FAM107B: variants seen among roughly 807,000 people sequenced by gnomAD.
FAM107B encodes family with sequence similarity 107 member B.
Under a neutral mutation model 31.5 loss-of-function variants are expected in FAM107B, and 21 were observed. That is an observed-to-expected ratio of 0.67 (90% CI 0.47 to 0.96). FAM107B has a LOEUF of 0.96. Ranked by LOEUF, FAM107B falls within the 40% of genes least tolerant of loss-of-function variation. FAM107B has a pLI of 0.00. For missense variants in FAM107B, 452 were observed against 377.1 expected, an observed-to-expected ratio of 1.20 and a Z score of -1.64; for synonymous variants, 157 against 141.5, an observed-to-expected ratio of 1.11 and a Z score of -0.78.
At chr10:14,756,854 T>C (rs1266126927) in intron 1 of FAM107B, among the ~76,000 whole-genome samples, 1 of 152,194 alleles carries the variant, frequency 6.6e-6, no homozygotes, top group Non-Finnish European at 1.5e-5. Context: ...GATCATGTCA[T>C]TTGCAGGGAC....
chr10:14,687,535 G>A lies in FAM107B; in HGVS notation c.412-19844C>T, dbSNP rs77410708. On this transcript the variant is annotated intron_variant, in intron 1 of 4. Transcript: ENST00000181796. The stretch of plus-strand genomic sequence containing the variant: ...TCACCTTGTACACAGTGATCACTGA[G>A]CAAATATTTGTTGTTTGTGGAGTGT... 3.5e-3 allele frequency among the ~76,000 whole-genome samples: 522 copies of A among 151,024 alleles called. 10 individuals are homozygous for A. In the East Asian group the frequency reaches 0.05, roughly 15 times the overall value.
rs1588657474 is a variant in FAM107B at position 14,610,785 on chromosome 10, T to C, written c.469+56849A>G. On this transcript the variant is annotated intron_variant, in intron 2 of 4. Transcript: ENST00000181796. ...TGAGTATTGTCCCCTGCAGTAGTTA[T>C]CCACTACAAAAGCATTTTGCAAGCT... Among the ~76,000 whole-genome samples, 2 of 152,224 alleles carry C rather than the reference T, an allele frequency of 1.3e-5. 1 individual carries two copies. The highest frequency in any genetic ancestry group is 4.1e-4 in the South Asian group (2 of 4,832).
intron 1 of FAM107B, among the ~76,000 whole-genome samples, chr10:14,678,776 C>T (rs1854753300): frequency 6.6e-6 from 1 of 152,216 alleles, no homozygotes; most frequent in African/African-American, 2.4e-5. Flanking sequence ...ACAGAAATCA[C>T]ATCAGCTCTT....
chr10:14,619,303 T>C (rs1019913397), intron 2 of FAM107B, among the ~76,000 whole-genome samples: 2 of 152,242 alleles, frequency 1.3e-5, no homozygotes, highest in African/African-American at 4.8e-5. Flanking sequence ...CATATTGACG[T>C]TCCCACCAGC....
chr10:14,552,938 A>G (rs1423424428), intron 2 of FAM107B, among the ~76,000 whole-genome samples: 1 of 152,204 alleles, frequency 6.6e-6, no homozygotes, highest in Non-Finnish European at 1.5e-5. Flanking sequence ...TAATTCACTT[A>G]CTTAAACTTG....
At chr10:14,605,159 G>A (rs7094500) in intron 2 of FAM107B, among the ~76,000 whole-genome samples, 15,064 of 152,270 alleles carry the variant, frequency 0.099, 823 homozygotes, top group East Asian at 0.19. Context: ...AAAACCCGGT[G>A]ACCTGGAGAT....
At chr10:14,549,389 A>G (rs3813875) in intron 2 of FAM107B, among the ~76,000 whole-genome samples, 3,380 of 152,348 alleles carry the variant, frequency 0.022, 65 homozygotes, top group East Asian at 0.09. Flanking sequence ...ATCTATAATA[A>G]AAGCTGCAAT....
chr10:14,583,238 T>C (rs1466156933), intron 2 of FAM107B, among the ~76,000 whole-genome samples: 1 of 152,186 alleles, frequency 6.6e-6, no homozygotes, highest in South Asian at 2.1e-4. Context: ...GGAAAATTCT[T>C]CATCTGGCAG....
intron 1 of FAM107B, among the ~76,000 whole-genome samples, chr10:14,754,999 C>G (rs896695169): frequency 2.0e-5 from 3 of 152,154 alleles, no homozygotes; most frequent in Admixed American, 2.0e-4. Context: ...TCTCTGCTTA[C>G]CAGGGCCAGG....
chr10:14,680,295 C>T (rs1182512189), intron 1 of FAM107B, among the ~76,000 whole-genome samples: 3 of 152,162 alleles, frequency 2.0e-5, no homozygotes, highest in East Asian at 3.9e-4. Flanking sequence ...AGAGAGGGGC[C>T]GGGTGCGGTG....
chr10:14,663,040 C>T (rs1182694961), intron 2 of FAM107B, among the ~76,000 whole-genome samples: 1 of 152,168 alleles, frequency 6.6e-6, no homozygotes, highest in African/African-American at 2.4e-5. Flanking sequence ...TCATCTTTCC[C>T]CCATGCTGGA....
At chr10:14,595,528 C>T (rs529070692) in intron 2 of FAM107B, among the ~76,000 whole-genome samples, 24 of 148,428 alleles carry the variant, frequency 1.6e-4, no homozygotes, top group East Asian at 6.0e-4. Flanking sequence ...TGAGTTCGAG[C>T]GATTCTCCTG....
At chr10:14,563,181 G>A (rs977254247) in intron 2 of FAM107B, among the ~76,000 whole-genome samples, 1 of 152,158 alleles carries the variant, frequency 6.6e-6, no homozygotes, top group East Asian at 1.9e-4. Context: ...GGTTTTACAC[G>A]TAGAAGGCAA....
chr10:14,577,683 A>C (rs1164046580), intron 2 of FAM107B, among the ~76,000 whole-genome samples: 1 of 152,190 alleles, frequency 6.6e-6, no homozygotes, highest in Non-Finnish European at 1.5e-5. Flanking sequence ...CCAAGTGCCA[A>C]GCCTTGAAAC....
chr10:14,745,587 C>T (rs1274904083), intron 1 of FAM107B, among the ~76,000 whole-genome samples: 5 of 152,096 alleles, frequency 3.3e-5, no homozygotes, highest in African/African-American at 1.2e-4. Context: ...GCAAATTGTT[C>T]GATTTCCATG....
intron 1 of FAM107B, among the ~76,000 whole-genome samples, chr10:14,755,040 T>G (rs1832900749): frequency 6.6e-6 from 1 of 152,190 alleles, no homozygotes; most frequent in Admixed American, 6.5e-5. Flanking sequence ...TAATGGCAGT[T>G]TAATTTACCT....
intron 2 of FAM107B, among the ~76,000 whole-genome samples, chr10:14,641,427 C>T (rs1250512687): frequency 6.6e-6 from 1 of 152,134 alleles, no homozygotes; most frequent in East Asian, 1.9e-4. Flanking sequence ...GCTCTCTTAG[C>T]TCAGGCCGCC....
intron 1 of FAM107B, among the ~76,000 whole-genome samples, chr10:14,678,279 G>C (rs1022041938): frequency 1.3e-5 from 2 of 152,188 alleles, no homozygotes; most frequent in African/African-American, 4.8e-5. Context: ...TCCCAGAGTG[G>C]ATACGTATTA....
intron 1 of FAM107B, among the ~76,000 whole-genome samples, chr10:14,762,752 TCTCACA>T (rs769089115): frequency 0.089 from 10,456 of 117,502 alleles, 453 homozygotes; most frequent in South Asian, 0.12. Context: ...TGAAACTCTG[TCTCACA>T]CACACACACA....
Sources: allele counts gnomAD v4.1 joint callset (sites outside exome capture counted in the v4.1 genomes callset), GRCh38; gene constraint gnomAD v4.1.1; transcripts MANE v1.5; gene names NCBI Gene and HGNC (gene_info 2026-07-23, HGNC 2026-07-21).